PHF24: variants seen among roughly 807,000 people sequenced by gnomAD.
PHF24 encodes Galpha inhibitory interacting protein.
PHF24 carries 25 observed loss-of-function variants against 42.6 expected under a neutral mutation model. The observed-to-expected ratio is 0.59, with a 90% confidence interval of 0.43 to 0.82. The LOEUF is 0.82. Among genes scored for constraint, PHF24 ranks in the 40% least tolerant of loss-of-function variants. PHF24 has a pLI of 0.00. For missense variants in PHF24, 470 were observed against 538.1 expected, an observed-to-expected ratio of 0.87 and a Z score of 1.25; for synonymous variants, 185 against 204.8, an observed-to-expected ratio of 0.90 and a Z score of 0.83.
chr9:34,886,373 C>G, the PHF24 span, among the ~76,000 whole-genome samples: 1 of 152,076 alleles, frequency 6.6e-6, no homozygotes, highest in Non-Finnish European at 1.5e-5. Flanking sequence ...CTTCCATTAT[C>G]TCTTGAATCC....
At chr9:34,729,286 G>A in the PHF24 span, 41 of 1,551,674 alleles carry the variant, frequency 2.6e-5, no homozygotes, top group Admixed American at 1.4e-4. Context: ...AGCCCTACCC[G>A]GCAGCAGCTC....
chr9:34,779,869 G>C, the PHF24 span, among the ~76,000 whole-genome samples: 1 of 152,284 alleles, frequency 6.6e-6, no homozygotes, highest in African/African-American at 2.4e-5. Flanking sequence ...GGGAGTACAG[G>C]CGCCTGCCAA....
the PHF24 span, among the ~76,000 whole-genome samples, chr9:34,924,262 A>G: frequency 6.6e-6 from 1 of 152,190 alleles, no homozygotes; most frequent in Non-Finnish European, 1.5e-5. Flanking sequence ...GAGGAGAAGA[A>G]TGTGTATTCT....
At chr9:34,714,762 T>C in the PHF24 span, among the ~76,000 whole-genome samples, 1 of 152,084 alleles carries the variant, frequency 6.6e-6, no homozygotes, top group Non-Finnish European at 1.5e-5. Flanking sequence ...GCACAGATTG[T>C]AGAAAAAAAG....
At chr9:34,684,870 C>A in the PHF24 span, among the ~76,000 whole-genome samples, 2 of 152,026 alleles carry the variant, frequency 1.3e-5, no homozygotes, top group Non-Finnish European at 2.9e-5. Context: ...AGGTTGGAGC[C>A]GAGGGTGGCT....
At chr9:34,788,373 C>G in the PHF24 span, among the ~76,000 whole-genome samples, 1 of 152,050 alleles carries the variant, frequency 6.6e-6, no homozygotes, top group Non-Finnish European at 1.5e-5. Flanking sequence ...TTTGCAAAAT[C>G]CACGACTCTC....
At chr9:34,880,776 C>T in the PHF24 span, among the ~76,000 whole-genome samples, 4 of 152,180 alleles carry the variant, frequency 2.6e-5, no homozygotes, top group African/African-American at 9.7e-5. Flanking sequence ...TAACACCCCA[C>T]TGTCAACATT....
chr9:34,701,425 A>G, the PHF24 span, among the ~76,000 whole-genome samples: 1 of 152,116 alleles, frequency 6.6e-6, no homozygotes, highest in Non-Finnish European at 1.5e-5. This position sits in a 1 kb window ranked among gnomAD's most constrained non-coding sequence, Gnocchi z 5.8. Flanking sequence ...GAGCGTGCCC[A>G]TGCATCTCCC....
At chr9:34,727,991 TG>T in the PHF24 span, 2 of 1,547,954 alleles carry the variant, frequency 1.3e-6, no homozygotes, top group Non-Finnish European at 1.7e-6. Flanking sequence ...CCAGGCTGGT[TG>T]TTGATAGAGT....
chr9:34,879,093 CAG>C, the PHF24 span, among the ~76,000 whole-genome samples: 117 of 152,310 alleles, frequency 7.7e-4, no homozygotes, highest in African/African-American at 2.8e-3. Context: ...CCCAGGCAAA[CAG>C]GGTCTGGAGT....
chr9:34,860,444 C>T, the PHF24 span, among the ~76,000 whole-genome samples: 2 of 152,260 alleles, frequency 1.3e-5, no homozygotes, highest in Admixed American at 6.5e-5. Flanking sequence ...ACTGCAATTA[C>T]TTTTGTACCA....
chr9:34,914,113 T>C, the PHF24 span, among the ~76,000 whole-genome samples: 3 of 152,308 alleles, frequency 2.0e-5, no homozygotes, highest in East Asian at 5.8e-4. Context: ...GTTTTTCAGC[T>C]TGCAAAATTT....
At chr9:34,716,024 G>C in the PHF24 span, among the ~76,000 whole-genome samples, 277 of 152,354 alleles carry the variant, frequency 1.8e-3, no homozygotes, top group African/African-American at 6.4e-3. Flanking sequence ...GAATAGGATT[G>C]GGGTGGGCTG....
chr9:34,754,288 T>C, the PHF24 span, among the ~76,000 whole-genome samples: 1 of 152,096 alleles, frequency 6.6e-6, no homozygotes, highest in African/African-American at 2.4e-5. Context: ...ACTATTCATC[T>C]GACAAGAGCT....
the PHF24 span, among the ~76,000 whole-genome samples, chr9:34,712,721 A>G: frequency 6.6e-6 from 1 of 151,816 alleles, no homozygotes; most frequent in Non-Finnish European, 1.5e-5. Context: ...CTCTTTGAGC[A>G]TATTTAAGAC....
chr9:34,976,959 C>T, intron 5 of PHF24, 124 bp from the exon 6 acceptor site: 2 of 1,171,292 alleles, frequency 1.7e-6, no homozygotes, highest in Non-Finnish European at 2.4e-6. Flanking sequence ...GTGCTGATGC[C>T]TCCAGAAGGG....
At chr9:34,832,412 A>T in the PHF24 span, 1 of 1,227,648 alleles carries the variant, frequency 8.1e-7, no homozygotes, top group Admixed American at 2.0e-5. Flanking sequence ...ACCGAAGCTT[A>T]TTGTCTAGGG....
At chr9:34,745,377 T>C in the PHF24 span, among the ~76,000 whole-genome samples, 1 of 152,156 alleles carries the variant, frequency 6.6e-6, no homozygotes, top group African/African-American at 2.4e-5. Context: ...GGCTAGCTGC[T>C]TCACTGGAGT....
At chr9:34,703,948 G>A in the PHF24 span, among the ~76,000 whole-genome samples, 1 of 151,966 alleles carries the variant, frequency 6.6e-6, no homozygotes, top group African/African-American at 2.4e-5. Flanking sequence ...GAACTCCTGA[G>A]TTCAAGAGAT....
Sources: gnomAD v4.1 joint callset for allele counts (sites outside exome capture counted in the v4.1 genomes callset) on GRCh38, gnomAD v4.1.1 for gene constraint, Gnocchi (gnomAD v3.1) non-coding constraint, MANE v1.5 for transcripts, NCBI Gene and HGNC (gene_info 2026-07-23, HGNC 2026-07-21) for gene names.